Variants in SVIL observed in about 807,000 individuals in gnomAD.
SVIL encodes supervillin.
SVIL carries 101 observed loss-of-function variants against 240.4 expected under a neutral mutation model. The ratio of observed to expected loss-of-function variants is 0.42; its 90% confidence interval spans 0.36 to 0.50. The LOEUF (loss-of-function observed/expected upper bound fraction) is 0.50, where lower values mean the gene tolerates loss of function less well. SVIL is among the 20% of genes least tolerant of loss of function. The pLI is 0.01. For missense variants in SVIL, 2,512 were observed against 2,818.7 expected (o/e 0.89, Z 2.46); for synonymous variants, 999 against 1,100.0 (o/e 0.91, Z 1.82).
intron 3 of SVIL, among the ~76,000 whole-genome samples, chr10:29,656,878 G>T (rs1028414596): frequency 1.3e-5 from 2 of 152,052 alleles, no homozygotes; most frequent in Non-Finnish European, 2.9e-5. Context: ...TGGTGTTTTG[G>T]TAACAATTAC....
chr10:29,467,770 GTC>G lies in SVIL; in HGVS notation c.5947_5948del (p.Asp1983GlnfsTer15). The G allele has an allele frequency of 1.2e-6, 2 of 1,614,150 alleles. No homozygotes were observed. The highest frequency in any genetic ancestry group is 1.7e-6 in the Non-Finnish European group (2 of 1,180,014). On this transcript the variant is annotated frameshift_variant, in exon 33 of 38. Transcript: ENST00000355867. LOFTEE classifies it high-confidence loss of function. ...LGFWDALGRRDRKAYDCMLQD... is the reference protein window; with the variant it reads ...LGFWDALGRRXRKAYDCMLQD... Reference sequence around the variant, plus strand: ...GAAGCATGCAATCGTAGGCTTTCCTGTCTCTCCTTCCTAAGGCATCCCAGAAT... The same window carrying G: ...GAAGCATGCAATCGTAGGCTTTCCTGTCTCCTTCCTAAGGCATCCCAGAAT...
At chr10:29,638,408 G>A (rs1302636381), upstream of SVIL, among the ~76,000 whole-genome samples, 1 of 152,032 alleles carries the variant, frequency 6.6e-6, no homozygotes, top group Non-Finnish European at 1.5e-5. Flanking sequence ...GGAGGTTGCA[G>A]TGAGCTGAGA....
intron 1 of SVIL, among the ~76,000 whole-genome samples, chr10:29,604,363 C>CTTTT (rs71525560): frequency 5.2e-5 from 2 of 38,422 alleles, no homozygotes; most frequent in Non-Finnish European, 1.1e-4. Context: ...CCATGTCTGG[C>CTTTT]TTTTTTTTTT....
At position 29,658,310 on chromosome 10, in the gene SVIL, T is replaced by C. The variant is rs146392126; in HGVS notation, c.-300-242A>G. ...TAAAAGAATGCATTTTTCCCATTCATCGTAAACTCAGTGAATAAAGTCATT... is the reference window on the plus strand; with the variant it reads ...TAAAAGAATGCATTTTTCCCATTCACCGTAAACTCAGTGAATAAAGTCATT... On this transcript the variant is annotated intron_variant, in intron 2 of 35. Coordinates refer to the SVIL transcript ENST00000375400. 1.6e-3 allele frequency among the ~76,000 whole-genome samples: 241 copies of C among 152,354 alleles called. 1 individual carries two copies. The highest frequency in any genetic ancestry group is 5.6e-3 in the African/African-American group (234 of 41,584).
In SVIL at chr10:29,503,169, C is replaced by A. The variant is rs565789998; in HGVS notation, c.3517-3906G>T. ...AAAAATGCTAAGATCATTTCAAATT[C>A]TACACACTATGAAAGAAATTTAGCT... On this transcript the variant is annotated intron_variant, in intron 17 of 37. Transcript: ENST00000355867. 1.8e-3 allele frequency among the ~76,000 whole-genome samples: 268 copies of A among 152,288 alleles called. 12 individuals carry two copies. In the South Asian group the frequency reaches 0.054, roughly 31 times the overall value.
At chr10:29,488,096 A>G (rs1207111517) in intron 23 of SVIL, among the ~76,000 whole-genome samples, 6 of 152,106 alleles carry the variant, frequency 3.9e-5, no homozygotes, top group Non-Finnish European at 7.4e-5. Context: ...TACGGACAGG[A>G]AGGGCACTAG....
rs571601090 is a variant in SVIL, at chr10:29,700,510, G to A, written c.-399-13859C>T. 4.8e-4 allele frequency among the ~76,000 whole-genome samples: 59 copies of A among 122,896 alleles called. No homozygotes were observed. The South Asian group carries it at 9.5e-3, about 20-fold the overall frequency. 80.6% of individuals were successfully genotyped at this position (122,896 alleles called of 152,430 possible). ...TTTGGAGATGGAGATATGCTCTGTC[G>A]CCCAGCCTGGAGTGCAGTAGTGCGA... On this transcript the variant is annotated intron_variant, in intron 1 of 35. Coordinates refer to the SVIL transcript ENST00000375400.
chr10:29,702,757 A>G (rs1962617239), intron 1 of SVIL, among the ~76,000 whole-genome samples: 1 of 152,186 alleles, frequency 6.6e-6, no homozygotes, highest in Admixed American at 6.5e-5. Flanking sequence ...TCACCCAGAT[A>G]GTTCCTGTCC....
rs533356436 is a variant in SVIL at position 29,620,852 on chromosome 10, C to T, written c.-201+13568G>A. The stretch of plus-strand genomic sequence containing the variant: ...CAGGCCGGTCTCAAACTCCTGACCT[C>T]GTGATCCACCCACCTCAGCCTCCCA... On this transcript the variant is annotated intron_variant, in intron 1 of 37. Coordinates refer to ENST00000355867, the MANE Select transcript of SVIL (RefSeq NM_021738.3). Among the ~76,000 whole-genome samples the T allele has an allele frequency of 6.6e-5, 10 of 152,260 alleles. No homozygotes were observed. In the East Asian group the frequency reaches 1.5e-3, roughly 24 times the overall value.
At chr10:29,538,246 G>A (rs1018095184) in intron 6 of SVIL, among the ~76,000 whole-genome samples, 14 of 152,106 alleles carry the variant, frequency 9.2e-5, no homozygotes, top group African/African-American at 3.4e-4. Context: ...CAATATCACC[G>A]TCAAACTCCA....
chr10:29,697,707 A>G (rs1962196420), intron 1 of SVIL, among the ~76,000 whole-genome samples: 1 of 108,238 alleles, frequency 9.2e-6, no homozygotes. Flanking sequence ...ACCTTTGTTC[A>G]CTTGTTTGTC....
At chr10:29,629,869 A>G (rs998284938) in intron 1 of SVIL, among the ~76,000 whole-genome samples, 5 of 147,908 alleles carry the variant, frequency 3.4e-5, no homozygotes, top group African/African-American at 1.2e-4. Flanking sequence ...AGTCCCAGCT[A>G]CTCGGGAGGC....
intron 2 of SVIL, among the ~76,000 whole-genome samples, chr10:29,684,442 TG>T (rs1197816596): frequency 2.0e-5 from 3 of 151,836 alleles, no homozygotes; most frequent in East Asian, 1.9e-4. Context: ...CGGGACAACT[TG>T]GGGGGTGGGG....
chr10:29,606,544 T>G (rs888168878), intron 1 of SVIL, among the ~76,000 whole-genome samples: 5 of 152,194 alleles, frequency 3.3e-5, no homozygotes, highest in African/African-American at 1.2e-4. Context: ...ATTTTACCTC[T>G]ATATACTTCA....
intron 1 of SVIL, among the ~76,000 whole-genome samples, chr10:29,624,026 A>G (rs902620491): frequency 6.6e-6 from 1 of 152,154 alleles, no homozygotes; most frequent in East Asian, 1.9e-4. Flanking sequence ...CTCAGCAGGT[A>G]CTCCTGTTGT....
In SVIL at chr10:29,480,822, G is replaced by C. The variant is rs767247693; in HGVS notation, c.5101-9C>G. ...TCAGTCCTGGGGTCTTCCTACAGGG[G>C]AACACAAAGACATCAGTTCAGTTGC... On this transcript the variant is annotated splice_polypyrimidine_tract_variant and intron_variant, in intron 28 of 37. Transcript: ENST00000355867. 1 of 1,596,788 alleles carries C rather than the reference G, an allele frequency of 6.3e-7. No homozygotes were observed.
At position 29,529,842 on chromosome 10, in the gene SVIL, C is replaced by T. The variant is rs770845951; in HGVS notation, c.2109G>A (p.Glu703=). 3 of 1,608,512 alleles carry T rather than the reference C, an allele frequency of 1.9e-6. No individual in the cohort carries two copies. Among genetic ancestry groups the T allele is most frequent in the Admixed American group, 3.4e-5 (2 of 58,836 alleles). ...TTTGTTCATCAAAAGATTTTTCCAT[C>T]TCCTAAGATTAGAAGTATTGTGGAA... The part of the protein sequence containing the change: ...SVAAKRLLFR[E]MEKSFDEQNV... Residue 703 remains glutamate, a splice_region_variant and synonymous_variant, in exon 12 of 38, where the codon GAG becomes GAA. Transcript: ENST00000355867.
rs1246310047 is a variant in SVIL, at chr10:29,735,027, G to T, written c.-400+724C>A. ...TAATCCCGCACCTGACCCAGATTGCGGCCTGGACTGGAGCCTCCCCGCCGC... is the reference window on the plus strand; with the variant it reads ...TAATCCCGCACCTGACCCAGATTGCTGCCTGGACTGGAGCCTCCCCGCCGC... On this transcript the variant is annotated intron_variant, in intron 1 of 35. Coordinates refer to the SVIL transcript ENST00000375400. This position sits in a 1 kb window ranked among gnomAD's most constrained non-coding sequence, Gnocchi z 4.1. Among the ~76,000 whole-genome samples the T allele has an allele frequency of 6.6e-6, 1 of 152,180 alleles. No homozygotes were observed. Among genetic ancestry groups the T allele is most frequent in the Admixed American group, 6.5e-5 (1 of 15,286 alleles).
chr10:29,654,566 T>C (rs939314762), intron 3 of SVIL, among the ~76,000 whole-genome samples: 3 of 152,310 alleles, frequency 2.0e-5, no homozygotes, highest in Admixed American at 6.5e-5. Context: ...AGCACAATAC[T>C]GTATTAGTCA....
Sources: allele counts gnomAD v4.1 joint callset (sites outside exome capture counted in the v4.1 genomes callset), GRCh38; gene constraint gnomAD v4.1.1; non-coding constraint Gnocchi (gnomAD v3.1); transcripts MANE v1.5; gene names NCBI Gene and HGNC (gene_info 2026-07-23, HGNC 2026-07-21).